The following PACS1 variants were observed in gnomAD, a reference collection of about 807,000 sequenced individuals.
PACS1 encodes PACS-1.
A neutral mutation model predicts 115.0 loss-of-function variants in PACS1; 24 were observed. That is an observed-to-expected ratio of 0.21 (90% CI 0.15 to 0.29). The LOEUF (loss-of-function observed/expected upper bound fraction) is 0.29. PACS1 is among the 10% of genes least tolerant of loss of function. PACS1 has a pLI of 1.00. For missense variants in PACS1, 838 were observed against 1,251.2 expected, an observed-to-expected ratio of 0.67 and a Z score of 4.98; for synonymous variants, 453 against 504.5, an observed-to-expected ratio of 0.90 and a Z score of 1.37.
intron 21 of PACS1, among the ~76,000 whole-genome samples, chr11:66,239,514 T>G (rs1392409901): frequency 6.6e-6 from 1 of 151,972 alleles, no homozygotes; most frequent in East Asian, 1.9e-4. Flanking sequence ...CAAGACCCTG[T>G]CTCTCAAAAA....
intron 2 of PACS1, among the ~76,000 whole-genome samples, chr11:66,194,164 C>A (rs1854596072): frequency 6.6e-6 from 1 of 152,130 alleles, no homozygotes; most frequent in African/African-American, 2.4e-5. Context: ...CAGGGTTTCA[C>A]TGTGTTAGCC....
chr11:66,129,335 G>A lies in PACS1; in HGVS notation c.356+58493G>A, dbSNP rs140235877. Among the ~76,000 whole-genome samples the A allele has an allele frequency of 4.5e-3, 688 of 151,760 alleles. 5 individuals are homozygous for A. Among genetic ancestry groups the A allele is most frequent in the African/African-American group, 0.015 (614 of 41,372 alleles). On this transcript the variant is annotated intron_variant, in intron 1 of 23. Coordinates refer to ENST00000320580, the MANE Select transcript of PACS1 (RefSeq NM_018026.4). ...TAATCCCAGCTACTTAGGAAGTTGA[G>A]GCAGGAGAATCACTTGTACCTGGAA...
intron 1 of PACS1, among the ~76,000 whole-genome samples, chr11:66,150,814 A>G (rs1259528226): frequency 6.6e-6 from 1 of 152,236 alleles, no homozygotes; most frequent in Non-Finnish European, 1.5e-5. Context: ...AAAGCATCCA[A>G]AAGCTGTCCC....
At chr11:66,183,961 G>T (rs1472172299) in intron 1 of PACS1, among the ~76,000 whole-genome samples, 1 of 152,134 alleles carries the variant, frequency 6.6e-6, no homozygotes, top group Non-Finnish European at 1.5e-5. Context: ...GTGTCTTAGG[G>T]AGTGGTGGTG....
chr11:66,191,262 C>A (rs917127156), intron 1 of PACS1, among the ~76,000 whole-genome samples: 1 of 152,216 alleles, frequency 6.6e-6, no homozygotes, highest in Admixed American at 6.5e-5. Context: ...CCCTGGCCCC[C>A]TCTTTTAAAG....
intron 1 of PACS1, among the ~76,000 whole-genome samples, chr11:66,115,753 A>G (rs1372959479): frequency 1.3e-5 from 2 of 152,168 alleles, no homozygotes; most frequent in Non-Finnish European, 2.9e-5. Context: ...CTTTCGTATT[A>G]GCTGACCTCG....
At chr11:66,180,204 C>T (rs1859970479) in intron 1 of PACS1, among the ~76,000 whole-genome samples, 1 of 152,090 alleles carries the variant, frequency 6.6e-6, no homozygotes, top group African/African-American at 2.4e-5. Context: ...TGCACTCCAG[C>T]CTGGGCAACA....
intron 1 of PACS1, among the ~76,000 whole-genome samples, chr11:66,136,188 CA>C (rs1320040252): frequency 6.6e-6 from 1 of 152,092 alleles, no homozygotes; most frequent in Non-Finnish European, 1.5e-5. Flanking sequence ...CACTCTCTTT[CA>C]AAATTGTGCT....
chr11:66,222,216 G>GGGAA (rs1031743881), intron 10 of PACS1, among the ~76,000 whole-genome samples: 4 of 152,186 alleles, frequency 2.6e-5, no homozygotes, highest in Admixed American at 2.0e-4. Context: ...CACCAGACTG[G>GGGAA]GGAAGGAGCA....
At chr11:66,217,532 C>T (rs767159660) in intron 7 of PACS1, 66 of 456,042 alleles carry the variant, frequency 1.4e-4, no homozygotes, top group Non-Finnish European at 2.7e-4. Context: ...GGACCAAACC[C>T]CTGAGAGCCG....
chr11:66,242,835 G>C, intron 22 of PACS1, 77 bp from the exon 23 acceptor site: 1 of 1,593,244 alleles, frequency 6.3e-7, no homozygotes. Flanking sequence ...CAGGAAGAAG[G>C]GGACAGTCGG....
chr11:66,227,284 TCCGTGTTA>T (rs1855485923), intron 10 of PACS1, among the ~76,000 whole-genome samples: 1 of 152,206 alleles, frequency 6.6e-6, no homozygotes, highest in African/African-American at 2.4e-5. Flanking sequence ...GTTCTGAATC[TCCGTGTTA>T]TTGACTTGAT....
At chr11:66,172,567 A>T (rs926546062) in intron 1 of PACS1, among the ~76,000 whole-genome samples, 1 of 152,210 alleles carries the variant, frequency 6.6e-6, no homozygotes, top group Non-Finnish European at 1.5e-5. Context: ...CAGATCCTGC[A>T]GCCCCCTCAA....
At chr11:66,190,817 T>C (rs1329814601) in intron 1 of PACS1, among the ~76,000 whole-genome samples, 1 of 152,114 alleles carries the variant, frequency 6.6e-6, no homozygotes, top group Non-Finnish European at 1.5e-5. Flanking sequence ...GGGGGGATTT[T>C]GGAGGAAACA....
intron 1 of PACS1, among the ~76,000 whole-genome samples, chr11:66,120,374 G>A (rs1204683128): frequency 1.3e-5 from 2 of 152,146 alleles, no homozygotes; most frequent in African/African-American, 4.8e-5. Context: ...TAGGGTTACA[G>A]GCGTGAGCCA....
chr11:66,159,677 C>T (rs1300223145), intron 1 of PACS1, among the ~76,000 whole-genome samples: 14 of 152,074 alleles, frequency 9.2e-5, no homozygotes, highest in Non-Finnish European at 1.9e-4. Flanking sequence ...GTTGATCAAT[C>T]CACCCTTATG....
At chr11:66,159,621 G>A (rs1375994086) in intron 1 of PACS1, among the ~76,000 whole-genome samples, 2 of 152,024 alleles carry the variant, frequency 1.3e-5, no homozygotes, top group African/African-American at 2.4e-5. Context: ...TGGGGGAGCG[G>A]GTGGTATTTG....
At chr11:66,232,762 ACT>A (rs1368279963) in intron 14 of PACS1, among the ~76,000 whole-genome samples, 196 bp from the exon 15 acceptor site, 1 of 143,330 alleles carries the variant, frequency 7.0e-6, no homozygotes, top group African/African-American at 2.6e-5. Flanking sequence ...CATCTCTCAC[ACT>A]CTGCGTGTCT....
chr11:66,147,311 C>G (rs901772478), intron 1 of PACS1, among the ~76,000 whole-genome samples: 24 of 150,308 alleles, frequency 1.6e-4, no homozygotes, highest in African/African-American at 5.2e-4. Context: ...TAAACAAAGA[C>G]TAGGAATTGC....
Sources: allele counts gnomAD v4.1 joint callset (sites outside exome capture counted in the v4.1 genomes callset), GRCh38; gene constraint gnomAD v4.1.1; transcripts MANE v1.5; gene names NCBI Gene and HGNC (gene_info 2026-07-23, HGNC 2026-07-21).